The following CFAP70 variants were observed in gnomAD, a reference collection of about 807,000 sequenced individuals.
The protein encoded by CFAP70 is cilia and flagella associated protein 70, also known as cilia- and flagella-associated protein 70.
CFAP70 carries 81 observed loss-of-function variants against 137.6 expected under a neutral mutation model. That is an observed-to-expected ratio of 0.59 (90% CI 0.49 to 0.71). The LOEUF (loss-of-function observed/expected upper bound fraction) is 0.71. Ranked by LOEUF, CFAP70 falls within the 30% of genes least tolerant of loss-of-function variation. The pLI is 0.00. For missense variants in CFAP70, 976 were observed against 1,226.7 expected, an observed-to-expected ratio of 0.80 and a Z score of 3.05; for synonymous variants, 382 against 423.6, an observed-to-expected ratio of 0.90 and a Z score of 1.20.
chr10:73,280,150 A>G (rs1425932921), intron 19 of CFAP70, among the ~76,000 whole-genome samples: 6 of 152,100 alleles, frequency 3.9e-5, no homozygotes, highest in African/African-American at 1.4e-4. Flanking sequence ...TGTTGCTGAA[A>G]TTGATTGGCT....
chr10:73,320,325 T>G, intron 9 of CFAP70, among the ~76,000 whole-genome samples: 1 of 152,152 alleles, frequency 6.6e-6, no homozygotes. Context: ...CTCATTTTTT[T>G]TATTTTTAAT....
chr10:73,318,521 T>G (rs2050584572), intron 9 of CFAP70, among the ~76,000 whole-genome samples: 1 of 152,240 alleles, frequency 6.6e-6, no homozygotes, highest in African/African-American at 2.4e-5. Context: ...GTTAAAATTT[T>G]CTGTGTGCCA....
At chr10:73,312,610 C>T (rs752429821) in exon 10 of CFAP70, 1 of 1,600,678 alleles carries the variant, frequency 6.2e-7, no homozygotes, top group South Asian at 1.1e-5. Context: ...AAGTGATGGC[C>T]AATATCCCGG....
At position 73,275,555 on chromosome 10, in the gene CFAP70, C is replaced by T; in HGVS notation, c.2564G>A (p.Gly855Glu). 6.2e-7 allele frequency: 1 copy of T among 1,610,910 alleles called. No individual in the cohort carries two copies. The change falls in exon 22 of 27, where the codon GGA (glycine) becomes GAA (glutamate). Residue 855 changes from glycine to glutamate, a missense_variant. Transcript: ENST00000310715. The surrounding 1 kb of genome is among the most constrained non-coding windows in gnomAD (Gnocchi z 4.0). ...CAAGTAATATTCACAGCTGGGGCCT[C>T]CTTGAGGGCATAACAGCTCATGTGC... is the stretch of plus-strand genomic sequence containing the variant.
intron 25 of CFAP70, among the ~76,000 whole-genome samples, chr10:73,263,351 G>A (rs114385525): frequency 0.046 from 6,980 of 152,176 alleles, 489 homozygotes; most frequent in African/African-American, 0.15. Flanking sequence ...CCAAAGTGCC[G>A]GGATTACAGG....
Position 73,347,664 on chromosome 10 carries a change from G to A in CFAP70, c.349+759C>T, listed in dbSNP as rs150113208. On this transcript the variant is annotated intron_variant, in intron 4 of 26. Transcript: ENST00000310715. The stretch of plus-strand genomic sequence containing the variant: ...TCAGTTTTGGAATGTTGAGTTTTAG[G>A]TGCCTATGGGATAACATTATAGAGG... Among the ~76,000 whole-genome samples, 47 of 152,260 alleles carry A rather than the reference G, an allele frequency of 3.1e-4. No individual in the cohort carries two copies. In the East Asian group the frequency reaches 7.3e-3, roughly 24 times the overall value.
chr10:73,263,979 T>C (rs1364622454), intron 25 of CFAP70, among the ~76,000 whole-genome samples: 3 of 152,230 alleles, frequency 2.0e-5, no homozygotes, highest in Non-Finnish European at 2.9e-5. Context: ...TGTGGGCTCA[T>C]AGATTCTTAT....
intron 25 of CFAP70, among the ~76,000 whole-genome samples, chr10:73,258,853 C>T (rs913677212): frequency 6.6e-6 from 1 of 152,176 alleles, no homozygotes; most frequent in Non-Finnish European, 1.5e-5. Context: ...GAAATTCTTG[C>T]CTAGTAAATT....
chr10:73,312,231 G>A (rs115070520), intron 10 of CFAP70, among the ~76,000 whole-genome samples: 5,060 of 152,198 alleles, frequency 0.033, 280 homozygotes, highest in African/African-American at 0.12. Context: ...GAGCATTAAG[G>A]ACAAATACCT....
chr10:73,256,669 C>T (rs7895429), intron 25 of CFAP70, among the ~76,000 whole-genome samples: 15,976 of 151,622 alleles, frequency 0.11, 1,196 homozygotes, highest in East Asian at 0.3. Flanking sequence ...TTTGGGAGAC[C>T]GAGGTGGGTG....
intron 16 of CFAP70, among the ~76,000 whole-genome samples, chr10:73,292,719 T>C (rs1029812964): frequency 6.6e-6 from 1 of 152,220 alleles, no homozygotes; most frequent in African/African-American, 2.4e-5. Flanking sequence ...ATATTCTGGA[T>C]ACAAATCCTT....
chr10:73,257,822 G>T (rs1196403410), intron 25 of CFAP70, among the ~76,000 whole-genome samples: 1 of 151,104 alleles, frequency 6.6e-6, no homozygotes, highest in African/African-American at 2.4e-5. Context: ...CTGCTATCAT[G>T]AACATTGCTG....
At chr10:73,322,879 C>G in intron 9 of CFAP70, 84 bp downstream of exon 10, 1 of 1,224,958 alleles carries the variant, frequency 8.2e-7, no homozygotes, top group South Asian at 1.9e-5. Context: ...ATATCAGTTG[C>G]AAAGATGTAT....
intron 14 of CFAP70, among the ~76,000 whole-genome samples, chr10:73,297,781 G>A (rs1589393070): frequency 1.3e-5 from 2 of 152,140 alleles, no homozygotes; most frequent in East Asian, 3.8e-4. Context: ...ATTATTGCCA[G>A]GTTTTATAAT....
At chr10:73,334,686 T>C (rs1187784869) in intron 7 of CFAP70, among the ~76,000 whole-genome samples, 2 of 151,530 alleles carry the variant, frequency 1.3e-5, no homozygotes, top group Non-Finnish European at 1.5e-5. Flanking sequence ...TTCAAGCGAT[T>C]CTCCTGCCTC....
At chr10:73,319,818 A>G (rs1251967524) in intron 9 of CFAP70, among the ~76,000 whole-genome samples, 1 of 152,260 alleles carries the variant, frequency 6.6e-6, no homozygotes, top group Non-Finnish European at 1.5e-5. Flanking sequence ...CTTCTCAAGT[A>G]AAATGATAAC....
intron 5 of CFAP70, among the ~76,000 whole-genome samples, chr10:73,344,095 T>C (rs2053511167): frequency 6.6e-6 from 1 of 152,118 alleles, no homozygotes; most frequent in Admixed American, 6.6e-5. Context: ...CCCCAGTAGC[T>C]GGGATTACAG....
chr10:73,341,455 C>A (rs955095035), exon 6 of CFAP70: 1 of 1,614,200 alleles, frequency 6.2e-7, no homozygotes, highest in African/African-American at 1.3e-5. Flanking sequence ...ACAATGAATG[C>A]ATCAGGAATG....
chr10:73,313,564 C>T (rs892480134), intron 9 of CFAP70, among the ~76,000 whole-genome samples: 1 of 148,346 alleles, frequency 6.7e-6, no homozygotes, highest in African/African-American at 2.5e-5. Context: ...AAAAAAAGGC[C>T]AGGTGCGGTG....
Sources: gnomAD v4.1 joint callset for allele counts (sites outside exome capture counted in the v4.1 genomes callset) on GRCh38, gnomAD v4.1.1 for gene constraint, Gnocchi (gnomAD v3.1) non-coding constraint, MANE v1.5 for transcripts, NCBI Gene and HGNC (gene_info 2026-07-23, HGNC 2026-07-21) for gene names.